The following RGS7 variants were observed in gnomAD, a reference collection of about 807,000 sequenced individuals.
RGS7 encodes the protein regulator of G-protein signaling 7.
In RGS7, 27 loss-of-function variants were observed where a neutral mutation model predicts 81.1. The ratio of observed to expected loss-of-function variants is 0.33; its 90% CI spans 0.25 to 0.46. The LOEUF (loss-of-function observed/expected upper bound fraction) is 0.46, where lower values mean the gene tolerates loss of function less well. RGS7 is among the 20% of genes least tolerant of loss of function. The pLI is 1.00. For missense variants in RGS7, 396 were observed against 607.4 expected (o/e 0.65, Z 3.66); for synonymous variants, 208 against 207.7 (o/e 1.00, Z -0.01).
At chr1:241,195,952 G>A (rs938350654) in intron 2 of RGS7, among the ~76,000 whole-genome samples, 2 of 152,086 alleles carry the variant, frequency 1.3e-5, no homozygotes, top group Admixed American at 6.6e-5. Flanking sequence ...AGTTGCTGAG[G>A]ATTTTTCCAA....
rs773405218 is a variant in RGS7 at position 241,164,804 on chromosome 1, ATTCTAATACCGAGGCAACT to A, written c.79-66061_79-66043del. 1.9e-3 allele frequency among the ~76,000 whole-genome samples: 286 copies of A among 152,364 alleles called. No individual in the cohort carries two copies. The highest frequency in any genetic ancestry group is 2.6e-3 in the Non-Finnish European group (176 of 68,034). ...GCTCATATGTACTTCAGATCAATAC[ATTCTAATACCGAGGCAACT>A]TTTTTCTCAGTAATCTAAATTTAGG... On this transcript the variant is annotated intron_variant, in intron 2 of 18. Coordinates refer to ENST00000440928, the MANE Select transcript of RGS7 (RefSeq NM_001364886.1). The surrounding 1 kb of genome is among the most constrained non-coding windows in gnomAD (Gnocchi z 4.1).
chr1:241,344,219 T>C (rs1025033901), intron 2 of RGS7, among the ~76,000 whole-genome samples: 3 of 152,248 alleles, frequency 2.0e-5, no homozygotes, highest in Non-Finnish European at 4.4e-5. Context: ...TCCACTCTTG[T>C]ATTCGTTTGA....
intron 2 of RGS7, among the ~76,000 whole-genome samples, chr1:241,185,840 G>C (rs2072045941): frequency 6.6e-6 from 1 of 152,026 alleles, no homozygotes; most frequent in Non-Finnish European, 1.5e-5. Context: ...TCAAGACACA[G>C]CTTAAATGAA....
chr1:240,862,047 A>G (rs372461566), intron 9 of RGS7, among the ~76,000 whole-genome samples: 82 of 152,250 alleles, frequency 5.4e-4, no homozygotes, highest in Middle Eastern at 6.8e-3. Flanking sequence ...TCATCCTACA[A>G]TTTGGTGTAT....
intron 2 of RGS7, among the ~76,000 whole-genome samples, chr1:241,222,750 C>T (rs988115821): frequency 6.6e-6 from 1 of 152,010 alleles, no homozygotes; most frequent in South Asian, 2.1e-4. Flanking sequence ...GGAGTAGAGC[C>T]CATGCTCCCA....
chr1:241,237,801 G>A (rs977085248), intron 2 of RGS7, among the ~76,000 whole-genome samples: 2 of 152,106 alleles, frequency 1.3e-5, no homozygotes, highest in Non-Finnish European at 2.9e-5. Flanking sequence ...AGACACCACC[G>A]TTCGAGTATA....
chr1:241,110,753 G>A (rs1277847835), intron 2 of RGS7, among the ~76,000 whole-genome samples: 4 of 149,378 alleles, frequency 2.7e-5, no homozygotes, highest in South Asian at 2.1e-4. Flanking sequence ...ATGATGGTGC[G>A]ATCTTGGCTC....
chr1:241,184,312 A>G (rs1271791830), intron 2 of RGS7, among the ~76,000 whole-genome samples: 1 of 152,200 alleles, frequency 6.6e-6, no homozygotes, highest in African/African-American at 2.4e-5. Flanking sequence ...ACAGCAGAAA[A>G]ATTATATTCA....
rs73123938 is a variant in RGS7, at chr1:241,296,116, T to G, written c.78+59583A>C. Among the ~76,000 whole-genome samples, 1,033 of 151,928 alleles carry G rather than the reference T, an allele frequency of 6.8e-3. 13 individuals carry two copies. Among genetic ancestry groups the G allele is most frequent in the African/African-American group, 0.024 (983 of 41,388 alleles). On this transcript the variant is annotated intron_variant, in intron 2 of 18. Transcript: ENST00000440928. The stretch of plus-strand genomic sequence containing the variant: ...GGTGTGGATTTGGGAATTATCTGTA[T>G]AGACAGGAGAGGTGGTCAGATAATA...
intron 3 of RGS7, among the ~76,000 whole-genome samples, chr1:241,093,670 T>G (rs2064044621): frequency 6.6e-6 from 1 of 152,166 alleles, no homozygotes; most frequent in African/African-American, 2.4e-5. Context: ...AAATTATAGA[T>G]TCCCTGGTTC....
chr1:240,940,435 C>T (rs796757333), intron 4 of RGS7, among the ~76,000 whole-genome samples: 1 of 152,178 alleles, frequency 6.6e-6, no homozygotes, highest in South Asian at 2.1e-4. Flanking sequence ...GACTTCCTTA[C>T]ACCTGTTAGG....
intron 2 of RGS7, among the ~76,000 whole-genome samples, chr1:241,170,776 A>G (rs2070679515): frequency 6.6e-6 from 1 of 152,146 alleles, no homozygotes; most frequent in Admixed American, 6.5e-5. Context: ...AATCACCCCA[A>G]TTCCTGGGGT....
intron 6 of RGS7, among the ~76,000 whole-genome samples, chr1:240,890,145 T>C (rs1200819176): frequency 6.6e-6 from 1 of 152,136 alleles, no homozygotes; most frequent in East Asian, 1.9e-4. Flanking sequence ...CCTTGATCTC[T>C]GGGGCTTCTG....
intron 3 of RGS7, among the ~76,000 whole-genome samples, chr1:241,066,940 A>T (rs969972993): frequency 3.9e-5 from 6 of 152,208 alleles, no homozygotes; most frequent in Non-Finnish European, 8.8e-5. Flanking sequence ...AGGACAAGAA[A>T]TGTTTCCCTC....
intron 6 of RGS7, chr1:240,919,810 C>G (rs1384553004): frequency 2.7e-6 from 2 of 744,576 alleles, no homozygotes; most frequent in African/African-American, 3.4e-5. Flanking sequence ...ATCAAGAGCT[C>G]CATGGGCTTT....
At chr1:241,305,212 C>T (rs1390667475) in intron 2 of RGS7, among the ~76,000 whole-genome samples, 3 of 152,220 alleles carry the variant, frequency 2.0e-5, no homozygotes, top group East Asian at 3.8e-4. Flanking sequence ...GTGCTTCTAA[C>T]GCCACTGATT....
intron 6 of RGS7, among the ~76,000 whole-genome samples, chr1:240,883,761 C>T (rs1341355274): frequency 2.6e-5 from 4 of 152,096 alleles, no homozygotes; most frequent in African/African-American, 9.7e-5. Flanking sequence ...TGCATTTATG[C>T]TTTTGGTTGA....
intron 3 of RGS7, among the ~76,000 whole-genome samples, chr1:240,987,328 C>G (rs10802918): frequency 6.6e-6 from 1 of 151,954 alleles, no homozygotes; most frequent in Non-Finnish European, 1.5e-5. Flanking sequence ...ATAGAAGGTG[C>G]GCAAATTATT....
At chr1:240,871,067 A>G (rs1281166529) in intron 6 of RGS7, among the ~76,000 whole-genome samples, 2 of 152,152 alleles carry the variant, frequency 1.3e-5, no homozygotes, top group African/African-American at 4.8e-5. Context: ...AATTTCTTCA[A>G]TTATTTCAGG....
Sources: allele counts gnomAD v4.1 joint callset (sites outside exome capture counted in the v4.1 genomes callset), GRCh38; gene constraint gnomAD v4.1.1; non-coding constraint Gnocchi (gnomAD v3.1); transcripts MANE v1.5; gene names NCBI Gene and HGNC (gene_info 2026-07-23, HGNC 2026-07-21).